The following CFI variants were observed in gnomAD, a reference collection of about 807,000 sequenced individuals.
CFI encodes C3B/C4B inactivator.
A neutral mutation model predicts 78.8 loss-of-function variants in CFI; 66 were observed. The observed-to-expected ratio is 0.84, with a 90% CI of 0.69 to 1.03. CFI has a LOEUF of 1.03. Ranked by LOEUF, CFI falls within the 50% of genes least tolerant of loss-of-function variation. The pLI is 0.00. For missense variants in CFI, 706 were observed against 704.5 expected (o/e 1.00, Z -0.02); for synonymous variants, 250 against 232.6 (o/e 1.07, Z -0.68).
At chr4:109,734,807 AAAAAG>A in the CFI span, among the ~76,000 whole-genome samples, 1 of 152,218 alleles carries the variant, frequency 6.6e-6, no homozygotes, top group Non-Finnish European at 1.5e-5. Context: ...CTGTCTAAGA[AAAAAG>A]AAAAGAAAAG....
intron 1 of CFI, among the ~76,000 whole-genome samples, chr4:109,777,852 G>T (rs1018725108): frequency 6.6e-6 from 1 of 152,046 alleles, no homozygotes; most frequent in African/African-American, 2.4e-5. Flanking sequence ...TCAACTACAC[G>T]GAAACTGAAC....
In CFI at chr4:109,748,876, C is replaced by T. The variant is rs72674876; in HGVS notation, c.1148+342G>A. Among the ~76,000 whole-genome samples the T allele has an allele frequency of 0.043, 6,534 of 152,210 alleles. 182 individuals are homozygous for T. Among genetic ancestry groups the T allele is most frequent in the Middle Eastern group, 0.079 (23 of 292 alleles). ...AGGTATGGCAACATGACTCTTGAGC[C>T]ACACAGTAAAGAAAATATAGGTAGG... On this transcript the variant is annotated intron_variant, in intron 10 of 12. Transcript: ENST00000394634.
chr4:109,741,794 C>T (rs1723827778), intron 12 of CFI: 1 of 154,710 alleles, frequency 6.5e-6, no homozygotes, highest in Non-Finnish European at 1.4e-5. Flanking sequence ...TCAATAACTG[C>T]CTTTTCAGTA....
At chr4:109,771,899 G>A (rs762342915) in intron 1 of CFI, among the ~76,000 whole-genome samples, 11 of 152,042 alleles carry the variant, frequency 7.2e-5, no homozygotes, top group Admixed American at 2.0e-4. Flanking sequence ...CAAAACAGGA[G>A]AGATTGCATT....
chr4:109,771,024 G>C (rs944233825), intron 1 of CFI, among the ~76,000 whole-genome samples: 2 of 152,158 alleles, frequency 1.3e-5, no homozygotes, highest in Admixed American at 1.3e-4. Flanking sequence ...GAGAGAGTTA[G>C]GGGTGGGAGA....
chr4:109,792,338 G>T (rs1188750922), intron 1 of CFI, among the ~76,000 whole-genome samples: 1 of 152,046 alleles, frequency 6.6e-6, no homozygotes, highest in African/African-American at 2.4e-5. Flanking sequence ...CAGCACTTTG[G>T]GAGGCCAAGG....
chr4:109,794,320 G>T (rs1317529624), intron 1 of CFI: 1 of 151,948 alleles, frequency 6.6e-6, no homozygotes, highest in Non-Finnish European at 1.5e-5. Flanking sequence ...TTCATTCCTT[G>T]TCATCCTTTT....
intron 7 of CFI, among the ~76,000 whole-genome samples, chr4:109,756,355 A>G (rs1726139787): frequency 1.4e-5 from 2 of 147,424 alleles, no homozygotes. Context: ...GAGAAGAAGC[A>G]GCAGGAGGAG....
intron 1 of CFI, among the ~76,000 whole-genome samples, chr4:109,779,663 C>T (rs1729732651): frequency 6.6e-6 from 1 of 152,184 alleles, no homozygotes; most frequent in Middle Eastern, 3.4e-3. Flanking sequence ...CAAAAAAGAG[C>T]CCACATTGCC....
In CFI at chr4:109,801,906, ATTAC is replaced by A. The variant is rs779389956; in HGVS notation, c.57+5_57+8del. The A allele has an allele frequency of 1.0e-5, 16 of 1,590,872 alleles. No homozygotes were observed. Among genetic ancestry groups the A allele is most frequent in the Non-Finnish European group, 1.3e-5 (15 of 1,159,934 alleles). On this transcript the variant is annotated splice_donor_5th_base_variant and intron_variant, in intron 1 of 12. Coordinates refer to ENST00000394634, the MANE Select transcript of CFI (RefSeq NM_000204.5). ...TTAAAATTGTTTGCATAAAGGTTGA[ATTAC>A]TTACCTTGCAAAACCTTAAGTGGAA...
chr4:109,759,535 TTA>T (rs1030876800), intron 6 of CFI, among the ~76,000 whole-genome samples: 1 of 151,978 alleles, frequency 6.6e-6, no homozygotes, highest in African/African-American at 2.4e-5. Context: ...ATGAATGGTT[TTA>T]TATATATATA....
intron 1 of CFI, among the ~76,000 whole-genome samples, chr4:109,785,052 C>A (rs12510639): frequency 0.23 from 35,201 of 151,984 alleles, 4,835 homozygotes; most frequent in Admixed American, 0.36. Context: ...TTCTCCCCAC[C>A]CTTGAGAATG....
chr4:109,772,345 T>C (rs1362164195), intron 1 of CFI, among the ~76,000 whole-genome samples: 1 of 152,272 alleles, frequency 6.6e-6, no homozygotes, highest in Non-Finnish European at 1.5e-5. Context: ...AATGCATGTG[T>C]ACACCAGGCT....
At chr4:109,741,188 T>G (rs371365614) in intron 12 of CFI, 78 bp from the exon 13 acceptor site, 1 of 1,604,830 alleles carries the variant, frequency 6.2e-7, no homozygotes, top group African/African-American at 1.3e-5. Flanking sequence ...CCATGGCATT[T>G]AACAACTTTG....
intron 7 of CFI, 58 bp downstream of exon 7, chr4:109,757,705 A>G (rs1257968778): frequency 8.8e-7 from 1 of 1,130,692 alleles, no homozygotes; most frequent in East Asian, 2.5e-5. Flanking sequence ...TATAAGACCA[A>G]AGAACCTGAG....
chr4:109,771,523 G>C (rs934338168), intron 1 of CFI, among the ~76,000 whole-genome samples: 1 of 150,056 alleles, frequency 6.7e-6, no homozygotes, highest in Admixed American at 6.6e-5. Flanking sequence ...TGGCCAACAT[G>C]ATGAAACCCC....
At chr4:109,790,453 GT>G (rs1489713184) in intron 1 of CFI, among the ~76,000 whole-genome samples, 1 of 151,922 alleles carries the variant, frequency 6.6e-6, no homozygotes, top group African/African-American at 2.4e-5. Context: ...TTCAGGGTTT[GT>G]TTTATAGGTA....
At chr4:109,737,882 T>C (rs916312990), downstream of CFI, among the ~76,000 whole-genome samples, 1 of 152,206 alleles carries the variant, frequency 6.6e-6, no homozygotes, top group Non-Finnish European at 1.5e-5. Flanking sequence ...TAGGAGAAGC[T>C]TGGAGTCAGG....
At chr4:109,762,764 C>T (rs576926952) in intron 3 of CFI, among the ~76,000 whole-genome samples, 222 of 152,206 alleles carry the variant, frequency 1.5e-3, no homozygotes, top group Non-Finnish European at 2.3e-3. Flanking sequence ...ATCTGAAAAA[C>T]GTACCAACCT....
Sources: allele counts gnomAD v4.1 joint callset (sites outside exome capture counted in the v4.1 genomes callset), GRCh38; gene constraint gnomAD v4.1.1; transcripts MANE v1.5; gene names NCBI Gene and HGNC (gene_info 2026-07-23, HGNC 2026-07-21).